The following LRRC49 variants were observed in gnomAD, a reference collection of about 807,000 sequenced individuals.
LRRC49 encodes leucine-rich repeat-containing protein 49.
LRRC49 carries 50 observed loss-of-function variants against 83.3 expected under a neutral mutation model. The observed-to-expected ratio is 0.60, with a 90% CI of 0.48 to 0.76. LRRC49 has a LOEUF of 0.76. Ranked by LOEUF, LRRC49 falls within the 30% of genes least tolerant of loss-of-function variation. The probability of loss-of-function intolerance (pLI) is 0.00; values close to 1 mark genes in which losing one functional copy is unlikely to be tolerated. For synonymous variants in LRRC49, 286 were observed against 283.3 expected, an observed-to-expected ratio of 1.01 and a Z score of -0.10; for missense variants, 704 against 809.1, an observed-to-expected ratio of 0.87 and a Z score of 1.58.
chr15:70,960,103 T>C (rs935846005), intron 8 of LRRC49, among the ~76,000 whole-genome samples: 2 of 152,152 alleles, frequency 1.3e-5, no homozygotes, highest in African/African-American at 4.8e-5. Context: ...TAATCAAAGT[T>C]TGGAGAGTAC....
intron 11 of LRRC49, among the ~76,000 whole-genome samples, chr15:70,991,601 C>T (rs1013528042): frequency 2.0e-5 from 3 of 152,090 alleles, no homozygotes; most frequent in African/African-American, 7.2e-5. Flanking sequence ...GAATTTTTTT[C>T]GGATATTTTT....
At chr15:70,925,147 A>G (rs2035150039) in intron 7 of LRRC49, among the ~76,000 whole-genome samples, 1 of 152,014 alleles carries the variant, frequency 6.6e-6, no homozygotes, top group African/African-American at 2.4e-5. Flanking sequence ...CAGCAATTTC[A>G]TTGCCTAAAT....
At chr15:70,882,416 A>G in intron 2 of LRRC49, 1 of 1,470,030 alleles carries the variant, frequency 6.8e-7, no homozygotes, top group Middle Eastern at 2.5e-4. Flanking sequence ...TAAAGATTTG[A>G]AAATCTATAG....
At chr15:70,868,764 T>G (rs2032965113) in intron 1 of LRRC49, among the ~76,000 whole-genome samples, 1 of 152,228 alleles carries the variant, frequency 6.6e-6, no homozygotes, top group Non-Finnish European at 1.5e-5. Context: ...CTATATACAG[T>G]GACAAGCTTC....
chr15:70,911,567 G>A lies in LRRC49; in HGVS notation c.536G>A (p.Ser179Asn). 6.3e-7 allele frequency: 1 copy of A among 1,579,440 alleles called. No individual in the cohort carries two copies. The highest frequency in any genetic ancestry group is 8.6e-7 in the Non-Finnish European group (1 of 1,163,518). ...ATCTCAAATCTGGAGAATCTAAAAA[G>A]CTTAGATGTCTTGGATCTTCATGGA... ...KKISNLENLKSLDVLDLHGNQ... is the reference protein window; with the variant it reads ...KKISNLENLKNLDVLDLHGNQ... Residue 179 changes from serine to asparagine, a missense_variant, in exon 6 of 16, where the codon AGC becomes AAC. Ser to Asn is a conservative substitution (Grantham distance 46). Around this residue, in one of 3 missense-constraint regions of LRRC49, gnomAD observed 261 missense variants for 330.5 expected, o/e 0.79. Coordinates refer to ENST00000260382, the MANE Select transcript of LRRC49 (RefSeq NM_017691.5).
chr15:70,893,285 C>T (rs1252545227), intron 1 of LRRC49: 3 of 552,440 alleles, frequency 5.4e-6, no homozygotes, highest in Admixed American at 6.7e-5. Context: ...CCACCTCCTT[C>T]ACCTGTCTCA....
At chr15:71,009,755 C>A in intron 12 of LRRC49, 52 bp from the exon 13 acceptor site, 2 of 1,239,728 alleles carry the variant, frequency 1.6e-6, no homozygotes, top group Non-Finnish European at 2.3e-6. Flanking sequence ...GTTAATATTT[C>A]AATATGGTTA....
At chr15:70,935,099 A>G (rs976452921) in intron 7 of LRRC49, among the ~76,000 whole-genome samples, 1 of 152,234 alleles carries the variant, frequency 6.6e-6, no homozygotes, top group Non-Finnish European at 1.5e-5. Flanking sequence ...CATATGAAGT[A>G]TATCACCTAC....
At chr15:71,007,080 TC>T (rs1352532144) in intron 11 of LRRC49, among the ~76,000 whole-genome samples, 1 of 152,030 alleles carries the variant, frequency 6.6e-6, no homozygotes, top group Non-Finnish European at 1.5e-5. Flanking sequence ...TTTTGTATTT[TC>T]TTGGTTGCAT....
chr15:70,997,683 G>A (rs1248744627), intron 11 of LRRC49, among the ~76,000 whole-genome samples: 2 of 152,162 alleles, frequency 1.3e-5, no homozygotes, highest in Non-Finnish European at 2.9e-5. Flanking sequence ...CCCAGGAGGT[G>A]GAGGTTGCAG....
chr15:71,017,436 G>A (rs527241016), intron 14 of LRRC49, among the ~76,000 whole-genome samples: 4 of 151,998 alleles, frequency 2.6e-5, no homozygotes, highest in South Asian at 4.1e-4. Context: ...ACATCATAAA[G>A]TGAAAATACA....
intron 2 of LRRC49, chr15:70,882,632 T>A: frequency 6.2e-7 from 1 of 1,613,972 alleles, no homozygotes; most frequent in Non-Finnish European, 8.5e-7. Flanking sequence ...TCCAAACGCT[T>A]TCACTTTGGC....
chr15:70,942,950 C>A (rs2141167792), intron 8 of LRRC49, among the ~76,000 whole-genome samples: 1 of 152,216 alleles, frequency 6.6e-6, no homozygotes, highest in Admixed American at 6.5e-5. Context: ...TTTTAAAGTT[C>A]TTATCTACTA....
chr15:70,905,592 T>C (rs981916749), intron 5 of LRRC49, among the ~76,000 whole-genome samples: 2 of 152,216 alleles, frequency 1.3e-5, no homozygotes, highest in Non-Finnish European at 2.9e-5. Flanking sequence ...ATACAACTTT[T>C]ACATGACACA....
chr15:70,856,967 T>C (rs2032669980), intron 1 of LRRC49, among the ~76,000 whole-genome samples: 1 of 152,218 alleles, frequency 6.6e-6, no homozygotes, highest in Non-Finnish European at 1.5e-5. Flanking sequence ...CACCCAGGCC[T>C]GTCTTGAACA....
intron 1 of LRRC49, among the ~76,000 whole-genome samples, chr15:70,854,547 G>C (rs896542369): frequency 6.6e-6 from 1 of 152,230 alleles, no homozygotes; most frequent in African/African-American, 2.4e-5. Context: ...AGCTCCAGGG[G>C]CTTCCAGGCC....
chr15:70,871,840 C>T (rs529131038), intron 1 of LRRC49, among the ~76,000 whole-genome samples: 3 of 151,566 alleles, frequency 2.0e-5, no homozygotes, highest in South Asian at 4.2e-4. Context: ...AGACGATGGG[C>T]GGCCGGGCAG....
rs2038535872 is a variant in LRRC49, at chr15:71,008,424, C to G, written c.1215C>G (p.Val405=). 6.2e-7 allele frequency: 1 copy of G among 1,612,822 alleles called. No homozygotes were observed. Among genetic ancestry groups the G allele is most frequent in the East Asian group, 2.2e-5 (1 of 44,838 alleles). ...ACAATGCTTTACAAGGTTTATCTGT[C>G]ATAGACACATACCTTGTTGAAGTGG... ...GLNNALQGLS[V]IDTYLVEVDG... is the part of the protein sequence containing the mutation. The change falls in exon 12 of 16, where the codon GTC becomes GTG. Residue 405 remains valine (V), a synonymous_variant. Coordinates refer to ENST00000260382, the MANE Select transcript of LRRC49 (RefSeq NM_017691.5).
chr15:70,992,303 C>T (rs1194726706), intron 11 of LRRC49, among the ~76,000 whole-genome samples: 1 of 152,220 alleles, frequency 6.6e-6, no homozygotes, highest in Non-Finnish European at 1.5e-5. Flanking sequence ...GCCTTCTTCT[C>T]TCAACTCGTC....
Sources: allele counts gnomAD v4.1 joint callset (sites outside exome capture counted in the v4.1 genomes callset), GRCh38; gene constraint gnomAD v4.1.1; regional missense constraint gnomAD v4.1.1; transcripts MANE v1.5; gene names NCBI Gene and HGNC (gene_info 2026-07-23, HGNC 2026-07-21).